PRICKLE1: variants seen among roughly 807,000 people sequenced by gnomAD.
The protein encoded by PRICKLE1 is prickle planar cell polarity protein 1.
PRICKLE1 carries 14 observed loss-of-function variants against 70.2 expected under a neutral mutation model. That is an observed-to-expected ratio of 0.20 (90% CI 0.13 to 0.31). The LOEUF is 0.31. PRICKLE1 is among the 10% of genes least tolerant of loss of function. PRICKLE1 has a pLI of 1.00. For synonymous variants in PRICKLE1, 357 were observed against 379.9 expected, an observed-to-expected ratio of 0.94 and a Z score of 0.70; for missense variants, 821 against 1,026.2, an observed-to-expected ratio of 0.80 and a Z score of 2.73.
In PRICKLE1 at chr12:42,470,256, T is replaced by C. The variant is rs1402955748; in HGVS notation, c.236A>G (p.His79Arg). The C allele has an allele frequency of 2.5e-6, 4 of 1,608,696 alleles. No homozygotes were observed. Among genetic ancestry groups the C allele is most frequent in the East Asian group, 4.5e-5 (2 of 44,852 alleles). The change falls in exon 3 of 8, where the codon CAT becomes CGT. Residue 79 changes from histidine (H) to arginine (R), a missense_variant. By Grantham distance (29) the His-to-Arg change is conservative. Transcript: ENST00000345127. Reference protein sequence around the residue: ...IKQLLYQLPPHDNEVRYCQSL... With the variant: ...IKQLLYQLPPRDNEVRYCQSL... ...TTCCTGCTATTTTACCTCATTATCA[T>C]GTGGTGGTAACTGGTACAAAAGCTG...
At chr12:42,520,646 C>T (rs1939693667) in intron 1 of PRICKLE1, among the ~76,000 whole-genome samples, 1 of 152,198 alleles carries the variant, frequency 6.6e-6, no homozygotes, top group African/African-American at 2.4e-5. Flanking sequence ...CATTAACCCC[C>T]AAATACACTT....
chr12:42,564,587 G>A (rs1227475148), intron 1 of PRICKLE1, among the ~76,000 whole-genome samples: 2 of 152,074 alleles, frequency 1.3e-5, no homozygotes, highest in African/African-American at 2.4e-5. Context: ...CAGCCTGGGC[G>A]ACAAGAGTGA....
rs1555230175 is a variant in PRICKLE1 at position 42,465,181 on chromosome 12, T to G, written c.853A>C (p.Lys285Gln). Reference protein sequence around the residue: ...TEACFSCAQCKASLLGCPFLP... With the variant: ...TEACFSCAQCQASLLGCPFLP... Reference sequence around the variant, plus strand: ...AAGGGACATCCCAACAAAGAGGCTTTACACTGGGCACAAGAAAAGCAGGCT... The same window carrying G: ...AAGGGACATCCCAACAAAGAGGCTTGACACTGGGCACAAGAAAAGCAGGCT... Residue 285 changes from lysine to glutamine, a missense_variant, in exon 7 of 8, where the codon AAA (lysine) becomes CAA (glutamine). Lys to Gln is a moderately conservative substitution (Grantham distance 53, BLOSUM62 1). Coordinates refer to ENST00000345127, the MANE Select transcript of PRICKLE1 (RefSeq NM_153026.3). 6.2e-7 allele frequency: 1 copy of G among 1,606,402 alleles called. No individual in the cohort carries two copies. The highest frequency in any genetic ancestry group is 1.7e-5 in the Admixed American group (1 of 57,782).
intron 1 of PRICKLE1, among the ~76,000 whole-genome samples, chr12:42,499,369 G>A (rs1939265091): frequency 6.6e-6 from 1 of 151,934 alleles, no homozygotes; most frequent in South Asian, 2.1e-4. Flanking sequence ...AATATGCTTT[G>A]CTTTTCCTGG....
At chr12:42,567,786 C>T (rs1940645109) in intron 1 of PRICKLE1, among the ~76,000 whole-genome samples, 1 of 125,400 alleles carries the variant, frequency 8.0e-6, no homozygotes, top group Non-Finnish European at 1.6e-5. Context: ...AAGATCGTGC[C>T]ACTTCATCTC....
At chr12:42,468,853 T>C in intron 4 of PRICKLE1, 24 bp from the exon 5 acceptor site, 19 of 1,607,296 alleles carry the variant, frequency 1.2e-5, no homozygotes, top group Non-Finnish European at 1.6e-5. Flanking sequence ...GGTTTGAATG[T>C]AAAAGGATCA....
At chr12:42,461,681 A>G (rs1937842087) in intron 7 of PRICKLE1, among the ~76,000 whole-genome samples, 1 of 152,236 alleles carries the variant, frequency 6.6e-6, no homozygotes, top group Non-Finnish European at 1.5e-5. Flanking sequence ...TTCTATTGAA[A>G]CATTTAACAA....
intron 1 of PRICKLE1, among the ~76,000 whole-genome samples, chr12:42,533,497 T>C (rs771855655): frequency 6.6e-5 from 10 of 152,188 alleles, no homozygotes; most frequent in Non-Finnish European, 1.0e-4. Flanking sequence ...TCCTTAAAAG[T>C]GGTGTGTGTA....
At chr12:42,542,210 A>T (rs1054768353) in intron 1 of PRICKLE1, among the ~76,000 whole-genome samples, 2 of 152,076 alleles carry the variant, frequency 1.3e-5, no homozygotes, top group African/African-American at 2.4e-5. Context: ...ATGGTGTAAG[A>T]TGTCACCAAG....
rs888227050 is a variant in PRICKLE1, at chr12:42,552,700, A to C, written c.-49+36765T>G. 3.3e-5 allele frequency among the ~76,000 whole-genome samples: 5 copies of C among 152,352 alleles called. No individual in the cohort carries two copies. In the South Asian group the frequency reaches 1.0e-3, roughly 32 times the overall value. On this transcript the variant is annotated intron_variant, in intron 1 of 7. Transcript: ENST00000345127. ...GCTGTGAGTAGTAGTAGCAAGCAGC[A>C]CTTGTATTAGGAACGTATGTAAAGA...
chr12:42,517,965 G>GTTTATAATT lies in PRICKLE1; in HGVS notation c.-48-45402_-48-45401insAATTATAAA, dbSNP rs1939639264. Among the ~76,000 whole-genome samples the GTTTATAATT allele has an allele frequency of 2.0e-5, 3 of 151,722 alleles. No homozygotes were observed. In the South Asian group the frequency reaches 6.3e-4, roughly 32 times the overall value. ...AAAGGTCTCAGAATGTCTCTCCCAG[G>GTTTATAATT]CCTGGGTTTATAATTCCAAAGATAA... is the stretch of plus-strand genomic sequence containing the variant. On this transcript the variant is annotated intron_variant, in intron 1 of 7. Coordinates refer to ENST00000345127, the MANE Select transcript of PRICKLE1 (RefSeq NM_153026.3).
chr12:42,565,840 C>T (rs747584009), intron 1 of PRICKLE1, among the ~76,000 whole-genome samples: 5 of 152,182 alleles, frequency 3.3e-5, no homozygotes, highest in Non-Finnish European at 5.9e-5. Flanking sequence ...AGCCACACTG[C>T]CCTCTGGGAG....
intron 1 of PRICKLE1, among the ~76,000 whole-genome samples, chr12:42,499,330 A>C (rs11181528): frequency 2.0e-4 from 31 of 152,238 alleles, no homozygotes; most frequent in Middle Eastern, 3.4e-3. Context: ...ATTTGTTTTT[A>C]AAGTAGAGCT....
At chr12:42,463,528 T>C in intron 7 of PRICKLE1, 2 of 152,308 alleles carry the variant, frequency 1.3e-5, no homozygotes, top group Non-Finnish European at 2.9e-5. Context: ...GAGACCAGCC[T>C]GGCCAATATG....
chr12:42,516,200 C>T (rs1437953694), intron 1 of PRICKLE1, among the ~76,000 whole-genome samples: 4 of 151,924 alleles, frequency 2.6e-5, no homozygotes, highest in Non-Finnish European at 4.4e-5. Flanking sequence ...GGTGCAATCT[C>T]GGCTCACTGC....
intron 1 of PRICKLE1, among the ~76,000 whole-genome samples, chr12:42,578,157 T>C (rs1010024593): frequency 1.3e-5 from 2 of 152,206 alleles, no homozygotes; most frequent in Non-Finnish European, 2.9e-5. Context: ...GCTCAACTTC[T>C]TAATAGGAAA....
At chr12:42,470,745 A>C (rs1174923746) in intron 2 of PRICKLE1, among the ~76,000 whole-genome samples, 3 of 152,108 alleles carry the variant, frequency 2.0e-5, no homozygotes, top group Non-Finnish European at 4.4e-5. Context: ...GTCTCTACTA[A>C]AACTACAAAA....
intron 1 of PRICKLE1, among the ~76,000 whole-genome samples, chr12:42,486,592 C>T (rs542783880): frequency 3.3e-5 from 5 of 152,168 alleles, no homozygotes; most frequent in African/African-American, 1.2e-4. Context: ...CAGCCAGCTG[C>T]GTTGGGTCTG....
At chr12:42,489,039 T>C (rs1040593705) in intron 1 of PRICKLE1, among the ~76,000 whole-genome samples, 4 of 150,954 alleles carry the variant, frequency 2.6e-5, no homozygotes, top group African/African-American at 9.7e-5. Context: ...TTCTCCTGCC[T>C]CAGCCTCCTG....
Sources: gnomAD v4.1 joint callset for allele counts (sites outside exome capture counted in the v4.1 genomes callset) on GRCh38, gnomAD v4.1.1 for gene constraint, MANE v1.5 for transcripts, NCBI Gene and HGNC (gene_info 2026-07-23, HGNC 2026-07-21) for gene names.